The following PRKG1 variants were observed in gnomAD, a reference collection of about 807,000 sequenced individuals.
PRKG1 encodes the protein cGMP-dependent protein kinase 1.
PRKG1 carries 35 observed loss-of-function variants against 88.1 expected under a neutral mutation model. The ratio of observed to expected loss-of-function variants is 0.40; its 90% CI spans 0.30 to 0.53. The LOEUF (loss-of-function observed/expected upper bound fraction) is 0.53, where lower values mean the gene tolerates loss of function less well. PRKG1 is among the 20% of genes least tolerant of loss of function. The probability of loss-of-function intolerance (pLI) is 0.59; values close to 1 mark genes in which losing one functional copy is unlikely to be tolerated. For missense variants in PRKG1, 540 were observed against 839.8 expected, an observed-to-expected ratio of 0.64 and a Z score of 4.41; for synonymous variants, 303 against 292.5, an observed-to-expected ratio of 1.04 and a Z score of -0.37.
chr10:51,351,718 C>A (rs1842251944), intron 2 of PRKG1, among the ~76,000 whole-genome samples: 1 of 152,030 alleles, frequency 6.6e-6, no homozygotes, highest in African/African-American at 2.4e-5. Context: ...ATGATAGTTT[C>A]TTTTGCTGTG....
At chr10:51,925,545 T>C (rs1385483784) in intron 5 of PRKG1, among the ~76,000 whole-genome samples, 1 of 152,172 alleles carries the variant, frequency 6.6e-6, no homozygotes, top group Non-Finnish European at 1.5e-5. Context: ...TCCAGGTTGG[T>C]TAATCCTTGA....
chr10:52,152,534 A>T (rs890215218), intron 8 of PRKG1, among the ~76,000 whole-genome samples: 2 of 152,116 alleles, frequency 1.3e-5, no homozygotes, highest in Non-Finnish European at 2.9e-5. Flanking sequence ...GGTACTGAGA[A>T]AAAACCATGA....
At chr10:51,247,039 G>A (rs1231411257) in intron 2 of PRKG1, among the ~76,000 whole-genome samples, 5 of 152,062 alleles carry the variant, frequency 3.3e-5, no homozygotes, top group South Asian at 2.1e-4. Flanking sequence ...GACATAATTC[G>A]AAAAGAGAAG....
chr10:51,232,222 G>T (rs1838863785), intron 2 of PRKG1, among the ~76,000 whole-genome samples: 1 of 152,164 alleles, frequency 6.6e-6, no homozygotes, highest in Non-Finnish European at 1.5e-5. Flanking sequence ...TGATTTATTT[G>T]TGACAATGTA....
intron 3 of PRKG1, among the ~76,000 whole-genome samples, chr10:51,498,868 C>T (rs1840940681): frequency 6.7e-6 from 1 of 149,674 alleles, no homozygotes; most frequent in East Asian, 1.9e-4. Flanking sequence ...TCCTAACCTT[C>T]TTTAGCTATC....
At chr10:51,628,977 AAAC>A (rs1839453451) in intron 3 of PRKG1, among the ~76,000 whole-genome samples, 2 of 135,368 alleles carry the variant, frequency 1.5e-5, no homozygotes, top group African/African-American at 5.3e-5. Flanking sequence ...AAAAAAAAAA[AAAC>A]AAAAACAAAA....
chr10:51,033,789 G>A (rs539460123), intron 1 of PRKG1, among the ~76,000 whole-genome samples: 1 of 152,274 alleles, frequency 6.6e-6, no homozygotes, highest in East Asian at 1.9e-4. Context: ...TGAGGACACG[G>A]AGGAAAAAAG....
At chr10:51,407,378 T>G (rs1837951268) in intron 2 of PRKG1, among the ~76,000 whole-genome samples, 1 of 152,174 alleles carries the variant, frequency 6.6e-6, no homozygotes, top group Non-Finnish European at 1.5e-5. Flanking sequence ...ACCCAAATGC[T>G]ATTACATAAA....
chr10:51,338,285 T>A (rs1841924933), intron 2 of PRKG1, among the ~76,000 whole-genome samples: 1 of 152,086 alleles, frequency 6.6e-6, no homozygotes, highest in African/African-American at 2.4e-5. Context: ...GGTGATGGGT[T>A]GATGAAAATG....
intron 3 of PRKG1, among the ~76,000 whole-genome samples, chr10:51,641,141 A>G (rs1030711076): frequency 3.3e-5 from 5 of 152,174 alleles, no homozygotes; most frequent in Non-Finnish European, 5.9e-5. Flanking sequence ...GACTTCCAAG[A>G]TTAAAAAAAA....
intron 1 of PRKG1, among the ~76,000 whole-genome samples, chr10:51,104,582 C>T (rs1428505019): frequency 2.0e-5 from 3 of 152,032 alleles, no homozygotes; most frequent in Middle Eastern, 3.2e-3. Flanking sequence ...TGCAGTGGTG[C>T]GATCTCTGCT....
At chr10:51,339,840 C>A (rs1588858514) in intron 2 of PRKG1, among the ~76,000 whole-genome samples, 1 of 151,900 alleles carries the variant, frequency 6.6e-6, no homozygotes, top group Non-Finnish European at 1.5e-5. Flanking sequence ...CAGTTTTTTA[C>A]TTTTTAAAAA....
rs551437895 is a variant in PRKG1 at position 52,088,625 on chromosome 10, T to C, written c.935+25994T>C. Among the ~76,000 whole-genome samples, 4 of 152,268 alleles carry C rather than the reference T, an allele frequency of 2.6e-5. No homozygotes were observed. The East Asian group carries it at 7.7e-4, about 29-fold the overall frequency. On this transcript the variant is annotated intron_variant, in intron 7 of 17. Coordinates refer to ENST00000373980, the MANE Select transcript of PRKG1 (RefSeq NM_006258.4). ...AGTGTGTGAGGACACAGTAACAGGGTGCCATCTTGGAAGCAGATGCTGGGT... is the reference window on the plus strand; with the variant it reads ...AGTGTGTGAGGACACAGTAACAGGGCGCCATCTTGGAAGCAGATGCTGGGT...
At chr10:51,861,947 T>C (rs996538906) in intron 4 of PRKG1, among the ~76,000 whole-genome samples, 2 of 152,172 alleles carry the variant, frequency 1.3e-5, no homozygotes, top group African/African-American at 4.8e-5. Flanking sequence ...TCTGGGCATC[T>C]GAGCCAGGCA....
At chr10:52,185,068 C>G (rs549785965) in intron 9 of PRKG1, 1 of 152,358 alleles carries the variant, frequency 6.6e-6, no homozygotes, top group South Asian at 2.1e-4. Context: ...ATATAATCCT[C>G]CCCTCCCAAT....
chr10:51,785,257 G>A (rs914063423), intron 3 of PRKG1, among the ~76,000 whole-genome samples: 1 of 151,874 alleles, frequency 6.6e-6, no homozygotes, highest in Admixed American at 6.6e-5. Context: ...GTGATTTTGA[G>A]TATAACCTCT....
chr10:51,583,672 C>A (rs1838100010), intron 3 of PRKG1, among the ~76,000 whole-genome samples: 1 of 151,948 alleles, frequency 6.6e-6, no homozygotes, highest in South Asian at 2.1e-4. Context: ...ATTTCATAAG[C>A]AAATGTCAGG....
In PRKG1 at chr10:51,987,474, T is replaced by C. The variant is rs1017327663; in HGVS notation, c.763-67010T>C. The stretch of plus-strand genomic sequence containing the variant: ...TACTCATTACTTTTTTTTTTTTTTT[T>C]CTGAAACTTACAATTAGAAAAGACT... On this transcript the variant is annotated intron_variant, in intron 5 of 17. Transcript: ENST00000373980. 2.8e-3 allele frequency among the ~76,000 whole-genome samples: 426 copies of C among 150,950 alleles called. 4 individuals carry two copies. The highest frequency in any genetic ancestry group is 9.7e-3 in the African/African-American group (396 of 41,006).
chr10:51,780,879 G>A (rs906085144), intron 3 of PRKG1, among the ~76,000 whole-genome samples: 6 of 152,234 alleles, frequency 3.9e-5, no homozygotes, highest in Admixed American at 1.3e-4. Flanking sequence ...TCTTATTCAT[G>A]TGAAACAGGT....
Sources: gnomAD v4.1 joint callset for allele counts (sites outside exome capture counted in the v4.1 genomes callset) on GRCh38, gnomAD v4.1.1 for gene constraint, MANE v1.5 for transcripts, NCBI Gene and HGNC (gene_info 2026-07-23, HGNC 2026-07-21) for gene names.